Variants in UXS1 observed in about 807,000 individuals in gnomAD.
The protein encoded by UXS1 is UDP-glucuronate decarboxylase 1, also known as UDP-glucuronic acid decarboxylase 1.
UXS1 carries 33 observed loss-of-function variants against 62.6 expected under a neutral mutation model. The ratio of observed to expected loss-of-function variants is 0.53; its 90% CI spans 0.40 to 0.70. The LOEUF is 0.70. Ranked by LOEUF, UXS1 falls within the 30% of genes least tolerant of loss-of-function variation. UXS1 has a pLI of 0.00. For synonymous variants in UXS1, 213 were observed against 206.8 expected (o/e 1.03, Z -0.26); for missense variants, 434 against 556.3 (o/e 0.78, Z 2.21).
intron 6 of UXS1, among the ~76,000 whole-genome samples, chr2:106,131,078 G>A (rs1471888344): frequency 6.7e-6 from 1 of 149,758 alleles, no homozygotes; most frequent in African/African-American, 2.5e-5. Flanking sequence ...GCAGGGCGAG[G>A]CATTGCCTCA....
At chr2:106,129,309 G>A (rs1558705490) in intron 7 of UXS1, among the ~76,000 whole-genome samples, 1 of 152,304 alleles carries the variant, frequency 6.6e-6, no homozygotes, top group South Asian at 2.1e-4. Flanking sequence ...TTTCCAGCAT[G>A]AGGCATGCCA....
intron 6 of UXS1, among the ~76,000 whole-genome samples, chr2:106,136,982 A>G (rs1222672478): frequency 2.0e-5 from 3 of 147,370 alleles, no homozygotes; most frequent in East Asian, 2.0e-4. Flanking sequence ...AAAAAAAAAA[A>G]AAAAGAAAGC....
chr2:106,161,625 T>C (rs911670930), intron 4 of UXS1, among the ~76,000 whole-genome samples: 3 of 152,228 alleles, frequency 2.0e-5, no homozygotes, highest in African/African-American at 7.2e-5. Context: ...AGTCCTTTAC[T>C]AATCATTAAT....
At chr2:106,121,649 A>T (rs1463801271) in intron 9 of UXS1, among the ~76,000 whole-genome samples, 1 of 152,226 alleles carries the variant, frequency 6.6e-6, no homozygotes, top group Non-Finnish European at 1.5e-5. Flanking sequence ...ACTAAAACTG[A>T]TCGGCATTTC....
At chr2:106,112,487 T>C (rs1678698532) in intron 10 of UXS1, among the ~76,000 whole-genome samples, 159 bp downstream of exon 10, 2 of 152,248 alleles carry the variant, frequency 1.3e-5, no homozygotes, top group East Asian at 1.9e-4. Flanking sequence ...ATCTGGGTTA[T>C]GTCCCCGTGC....
At chr2:106,136,612 G>A (rs1463461766) in intron 6 of UXS1, among the ~76,000 whole-genome samples, 22 of 47,602 alleles carry the variant, frequency 4.6e-4, no homozygotes, top group Non-Finnish European at 7.9e-4. Context: ...GTCCTTTGTA[G>A]GGACATGGAT....
intron 5 of UXS1, among the ~76,000 whole-genome samples, chr2:106,151,073 T>A (rs1681974778): frequency 6.6e-6 from 1 of 152,216 alleles, no homozygotes; most frequent in South Asian, 2.1e-4. Flanking sequence ...TGTTCCACCA[T>A]TGTATTTTAC....
chr2:106,187,466 T>C (rs558586457), intron 1 of UXS1, among the ~76,000 whole-genome samples: 14 of 152,326 alleles, frequency 9.2e-5, no homozygotes, highest in African/African-American at 2.6e-4. Flanking sequence ...ATGAGGGCAA[T>C]TGCCGATCAT....
intron 9 of UXS1, among the ~76,000 whole-genome samples, chr2:106,115,031 G>A (rs945531805): frequency 3.3e-5 from 5 of 152,256 alleles, no homozygotes; most frequent in Middle Eastern, 6.8e-3. Context: ...CAGTCAATAT[G>A]TATAGTCCAC....
intron 5 of UXS1, among the ~76,000 whole-genome samples, chr2:106,152,612 A>G (rs780724013): frequency 2.0e-5 from 3 of 152,030 alleles, no homozygotes; most frequent in Admixed American, 2.0e-4. Context: ...AAAAGAAGAG[A>G]AAAGAGGAAA....
At chr2:106,190,945 G>GC (rs1684888073) in intron 1 of UXS1, among the ~76,000 whole-genome samples, 3 of 141,160 alleles carry the variant, frequency 2.1e-5, no homozygotes, top group African/African-American at 4.9e-5. Flanking sequence ...ACAAAGGGCA[G>GC]AAACTGAGTT....
At chr2:106,126,830 C>T (rs1003436373) in intron 7 of UXS1, among the ~76,000 whole-genome samples, 1 of 152,132 alleles carries the variant, frequency 6.6e-6, no homozygotes, top group African/African-American at 2.4e-5. Flanking sequence ...CTGAAACGGA[C>T]ATTCCATTGA....
intron 7 of UXS1, among the ~76,000 whole-genome samples, chr2:106,128,520 C>A (rs1265141081): frequency 6.6e-6 from 1 of 152,164 alleles, no homozygotes; most frequent in African/African-American, 2.4e-5. Flanking sequence ...CAGTCCCTTA[C>A]AGGCTTGACT....
intron 5 of UXS1, among the ~76,000 whole-genome samples, chr2:106,154,581 T>C (rs1181791952): frequency 1.3e-5 from 2 of 152,024 alleles, no homozygotes; most frequent in African/African-American, 4.8e-5. Context: ...TGGAAAAAAC[T>C]CCCCTCAGAG....
Position 106,093,757 on chromosome 2 carries a change from A to T in UXS1, c.*269T>A. On this transcript the variant is annotated 3_prime_UTR_variant, in exon 15 of 15. Transcript: ENST00000283148. ...CGACAGTCACAACATATGCTCTCAC[A>T]GCAAGATAAAAAAACTTGAAAATAC... The T allele has an allele frequency of 2.7e-6, 1 of 371,580 alleles. No individual in the cohort carries two copies. Among genetic ancestry groups the T allele is most frequent in the Non-Finnish European group, 4.7e-6 (1 of 211,162 alleles). The allele number at this position is 371,580 out of a possible 1,614,324, so 23.0% of individuals were successfully genotyped here.
intron 10 of UXS1, among the ~76,000 whole-genome samples, chr2:106,106,989 T>C (rs985775221): frequency 6.6e-6 from 1 of 152,206 alleles, no homozygotes; most frequent in Admixed American, 6.5e-5. Context: ...CTGTAGATTT[T>C]TTTTTCTTTT....
chr2:106,097,178 C>A (rs914913279), intron 13 of UXS1: 1 of 468,278 alleles, frequency 2.1e-6, no homozygotes, highest in East Asian at 6.6e-5. Flanking sequence ...CCGAGCATGA[C>A]CCCGGTGTGA....
chr2:106,163,146 G>A (rs1683005506), intron 4 of UXS1, among the ~76,000 whole-genome samples: 1 of 152,094 alleles, frequency 6.6e-6, no homozygotes, highest in African/African-American at 2.4e-5. Context: ...GGTGAGGAGG[G>A]GTTCTCTCCG....
intron 6 of UXS1, 104 bp from the exon 7 acceptor site, chr2:106,129,882 C>A (rs577428889): frequency 4.3e-4 from 267 of 626,512 alleles, no homozygotes; most frequent in African/African-American, 4.1e-3. Context: ...ATATCTTTCA[C>A]TGAAATCAAG....
Sources: allele counts gnomAD v4.1 joint callset (sites outside exome capture counted in the v4.1 genomes callset), GRCh38; gene constraint gnomAD v4.1.1; transcripts MANE v1.5; gene names NCBI Gene and HGNC (gene_info 2026-07-23, HGNC 2026-07-21).